Variants in UBR3 observed in about 807,000 individuals in gnomAD.
UBR3 encodes the protein ubiquitin protein ligase E3 component n-recognin 3, also known as E3 ubiquitin-protein ligase UBR3.
Under a neutral mutation model 243.2 loss-of-function variants are expected in UBR3, and 85 were observed. The observed-to-expected ratio is 0.35, with a 90% CI of 0.29 to 0.42. The LOEUF is 0.42. Ranked by LOEUF, UBR3 falls within the 10% of genes least tolerant of loss-of-function variation. The probability of loss-of-function intolerance (pLI) is 1.00; values close to 1 mark genes in which losing one functional copy is unlikely to be tolerated. For synonymous variants in UBR3, 748 were observed against 799.8 expected, an observed-to-expected ratio of 0.94 and a Z score of 1.09; for missense variants, 1,686 against 2,300.8, an observed-to-expected ratio of 0.73 and a Z score of 5.47.
chr2:169,857,062 A>ATTTTTTTTTT (rs1553494582), intron 1 of UBR3, among the ~76,000 whole-genome samples: 2 of 28,474 alleles, frequency 7.0e-5, no homozygotes, highest in South Asian at 1.6e-3. Flanking sequence ...TAATTTTATT[A>ATTTTTTTTTT]TGTTTTTTTT....
intron 20 of UBR3, among the ~76,000 whole-genome samples, chr2:169,942,962 C>T (rs960585888): frequency 2.6e-5 from 4 of 152,098 alleles, no homozygotes; most frequent in African/African-American, 9.7e-5. Flanking sequence ...CCATCAGAAC[C>T]CACTAAAATG....
intron 10 of UBR3, among the ~76,000 whole-genome samples, chr2:169,912,496 G>A (rs2085292272): frequency 1.3e-5 from 2 of 152,090 alleles, no homozygotes; most frequent in Admixed American, 6.5e-5. Context: ...TTCACTCAAT[G>A]TAATGTTTTC....
At chr2:169,968,349 C>T (rs1199704340) in intron 24 of UBR3, among the ~76,000 whole-genome samples, 4 of 152,174 alleles carry the variant, frequency 2.6e-5, no homozygotes, top group African/African-American at 9.7e-5. Context: ...TTCATATCCT[C>T]CTCCCCAACC....
chr2:170,048,448 G>A (rs1015077310), intron 32 of UBR3, among the ~76,000 whole-genome samples: 10 of 152,122 alleles, frequency 6.6e-5, no homozygotes, highest in Non-Finnish European at 1.2e-4. Context: ...GCTCATGTGC[G>A]TGTTTCTCCT....
intron 33 of UBR3, among the ~76,000 whole-genome samples, chr2:170,059,010 C>G (rs2091402320): frequency 6.6e-6 from 1 of 152,188 alleles, no homozygotes; most frequent in Non-Finnish European, 1.5e-5. Flanking sequence ...AACCCACATA[C>G]TTTTGCCACC....
intron 32 of UBR3, among the ~76,000 whole-genome samples, chr2:170,050,059 T>C (rs1438017561): frequency 6.6e-6 from 1 of 152,214 alleles, no homozygotes; most frequent in Non-Finnish European, 1.5e-5. Context: ...GCCTGAAGTA[T>C]ACCCAAAGGA....
At chr2:169,948,038 A>G in intron 22 of UBR3, 6 of 614,162 alleles carry the variant, frequency 9.8e-6, no homozygotes, top group Non-Finnish European at 1.2e-5. Context: ...TGTTTAATTA[A>G]TATGGTTAAA....
chr2:170,060,961 CTCA>C (rs2091444466), intron 33 of UBR3, 115 bp from the exon 34 acceptor site: 10 of 667,518 alleles, frequency 1.5e-5, no homozygotes, highest in Non-Finnish European at 2.1e-5. Flanking sequence ...AGAATTGAAG[CTCA>C]TATGCTTGAA....
chr2:170,001,162 A>G, intron 26 of UBR3, 142 bp from the exon 27 acceptor site: 1 of 610,296 alleles, frequency 1.6e-6, no homozygotes, highest in East Asian at 2.9e-5. Context: ...CTAGTCAGGC[A>G]TTAATTGATA....
intron 20 of UBR3, among the ~76,000 whole-genome samples, chr2:169,946,035 T>G (rs951175766): frequency 7.0e-6 from 1 of 143,470 alleles, no homozygotes; most frequent in South Asian, 2.2e-4. Flanking sequence ...ATTTATCTGA[T>G]GGCCTTGTCA....
At chr2:169,927,821 G>A (rs997754824) in intron 17 of UBR3, among the ~76,000 whole-genome samples, 5 of 152,070 alleles carry the variant, frequency 3.3e-5, no homozygotes, top group Non-Finnish European at 5.9e-5. Flanking sequence ...AACATTTTGA[G>A]GGTTTTTCTG....
intron 36 of UBR3, chr2:170,077,672 G>A (rs2883448): frequency 0.96 from 350,818 of 366,816 alleles, 168,538 homozygotes; most frequent in Non-Finnish European, 0.98. Flanking sequence ...TGCAACCTCA[G>A]CCTCCTGGGT....
intron 1 of UBR3, among the ~76,000 whole-genome samples, chr2:169,856,322 G>T (rs1321763401): frequency 6.6e-6 from 1 of 151,454 alleles, no homozygotes; most frequent in African/African-American, 2.4e-5. Context: ...GATGATGGCC[G>T]GGAAGAGGCA....
chr2:170,073,546 T>C lies in UBR3; in HGVS notation c.5138T>C (p.Ile1713Thr). Residue 1713 changes from isoleucine to threonine, a missense_variant, in exon 36 of 39, where the codon ATT becomes ACT. Ile to Thr is a moderately conservative substitution (Grantham distance 89). Coordinates refer to ENST00000272793, the MANE Select transcript of UBR3 (RefSeq NM_172070.4). Reference sequence around the variant, plus strand: ...GATTGGCCAGTTCCAGCATTTGATATTATAACTCAGTGGTGTTTTGAGATA... The same window carrying C: ...GATTGGCCAGTTCCAGCATTTGATACTATAACTCAGTGGTGTTTTGAGATA... ...CLDWPVPAFD[I>T]ITQWCFEIKS... The C allele has an allele frequency of 1.2e-6, 2 of 1,613,736 alleles. No individual in the cohort carries two copies. Among genetic ancestry groups the C allele is most frequent in the Non-Finnish European group, 1.7e-6 (2 of 1,179,744 alleles).
intron 1 of UBR3, among the ~76,000 whole-genome samples, chr2:169,843,167 G>A (rs892424191): frequency 1.3e-5 from 2 of 152,112 alleles, no homozygotes; most frequent in Admixed American, 1.3e-4. Context: ...TCATTTCTTC[G>A]TATCAATTTC....
At chr2:169,922,624 G>C (rs893409501) in intron 11 of UBR3, among the ~76,000 whole-genome samples, 1 of 151,942 alleles carries the variant, frequency 6.6e-6, no homozygotes, top group Non-Finnish European at 1.5e-5. Context: ...CCCAGCTTCT[G>C]GCAACCACCA....
chr2:169,926,314 G>A (rs957217885), intron 14 of UBR3, among the ~76,000 whole-genome samples: 6 of 152,174 alleles, frequency 3.9e-5, no homozygotes, highest in African/African-American at 1.2e-4. Flanking sequence ...ATAGCCAGGC[G>A]TGGTGGCTCA....
chr2:169,848,575 C>G (rs944811304), intron 1 of UBR3, among the ~76,000 whole-genome samples: 3 of 151,502 alleles, frequency 2.0e-5, no homozygotes, highest in Non-Finnish European at 4.4e-5. Flanking sequence ...ATATGTGCTC[C>G]CAGAAAGTCT....
chr2:169,923,629 A>G (rs1411506018), intron 11 of UBR3, among the ~76,000 whole-genome samples: 1 of 152,184 alleles, frequency 6.6e-6, no homozygotes, highest in African/African-American at 2.4e-5. Flanking sequence ...CCTTGTTTTA[A>G]TAATAATTAT....
Sources: gnomAD v4.1 joint callset for allele counts (sites outside exome capture counted in the v4.1 genomes callset) on GRCh38, gnomAD v4.1.1 for gene constraint, MANE v1.5 for transcripts, NCBI Gene and HGNC (gene_info 2026-07-23, HGNC 2026-07-21) for gene names.